Variants in ATP6V1B2 observed in about 807,000 individuals in gnomAD.
ATP6V1B2 encodes the protein ATPase H+ transporting V1 subunit B2.
In ATP6V1B2, 23 loss-of-function variants were observed where a neutral mutation model predicts 66.7. The ratio of observed to expected loss-of-function variants is 0.34; its 90% CI spans 0.25 to 0.49. The LOEUF is 0.49. Among genes scored for constraint, ATP6V1B2 ranks in the 20% least tolerant of loss-of-function variants. ATP6V1B2 has a pLI of 0.99. For missense variants in ATP6V1B2, 478 were observed against 650.8 expected (o/e 0.73, Z 2.89); for synonymous variants, 278 against 236.7 (o/e 1.17, Z -1.60).
At chr8:20,212,709 A>G in intron 8 of ATP6V1B2, 73 bp from the exon 9 acceptor site, 1 of 1,571,214 alleles carries the variant, frequency 6.4e-7, no homozygotes, top group Non-Finnish European at 8.6e-7. Flanking sequence ...TGTTATTTCC[A>G]GAATCATTTC....
At chr8:20,219,868 T>C (rs1327497294) in intron 13 of ATP6V1B2, among the ~76,000 whole-genome samples, 1 of 152,210 alleles carries the variant, frequency 6.6e-6, no homozygotes, top group African/African-American at 2.4e-5. Flanking sequence ...TCTGAGCATC[T>C]GTGTTAGTCG....
At chr8:20,212,383 G>A (rs960167071) in intron 8 of ATP6V1B2, among the ~76,000 whole-genome samples, 184 bp downstream of exon 8, 4 of 152,184 alleles carry the variant, frequency 2.6e-5, no homozygotes, top group African/African-American at 9.7e-5. Flanking sequence ...AGGTTCTGAA[G>A]CTCATAAGAT....
chr8:20,206,217 G>C (rs1282973295), intron 2 of ATP6V1B2, among the ~76,000 whole-genome samples: 2 of 152,178 alleles, frequency 1.3e-5, no homozygotes, highest in Admixed American at 1.3e-4. Flanking sequence ...CCAGATGTGT[G>C]TGTTTTTTCC....
In ATP6V1B2 at chr8:20,221,361, C is replaced by A. The variant is rs1025179358; in HGVS notation, c.*959C>A. The A allele has an allele frequency of 6.6e-6, 1 of 152,362 alleles. No homozygotes were observed. The highest frequency in any genetic ancestry group is 1.5e-5 in the Non-Finnish European group (1 of 68,028). The allele number at this position is 152,362 out of a possible 1,614,324, so 9.4% of individuals were successfully genotyped here. ...TCCCCAATTTGGTTCTGCTTTTTGA[C>A]CTCTCTCTACCTTTTCAGGGTAATC... is the stretch of plus-strand genomic sequence containing the variant. On this transcript the variant is annotated 3_prime_UTR_variant, in exon 14 of 14. Coordinates refer to ENST00000276390, the MANE Select transcript of ATP6V1B2 (RefSeq NM_001693.4).
rs2072715720 is a variant in ATP6V1B2, at chr8:20,204,211, T to C, written c.137-273T>C. 5 of 437,602 alleles carry C rather than the reference T, an allele frequency of 1.1e-5. No homozygotes were observed. In the East Asian group the frequency reaches 2.3e-4, roughly 20 times the overall value. 27.1% of individuals were successfully genotyped at this position (437,602 alleles called of 1,614,324 possible). Reference sequence around the variant, plus strand: ...GACTGAACTTTTGAGACAAGCAGAGTCTTTCCCTCTGTGTCTTGTTTTTGT... The same window carrying C: ...GACTGAACTTTTGAGACAAGCAGAGCCTTTCCCTCTGTGTCTTGTTTTTGT... On this transcript the variant is annotated intron_variant, in intron 1 of 13. Transcript: ENST00000276390.
intron 13 of ATP6V1B2, among the ~76,000 whole-genome samples, chr8:20,218,863 C>T (rs962012605): frequency 6.6e-6 from 1 of 152,118 alleles, no homozygotes; most frequent in East Asian, 1.9e-4. Flanking sequence ...GCCACCATCC[C>T]CTCAGGCTCA....
chr8:20,221,374 T>G lies in ATP6V1B2; in HGVS notation c.*972T>G, dbSNP rs2072905124. The G allele has an allele frequency of 6.6e-6, 1 of 152,488 alleles. No homozygotes were observed. Among genetic ancestry groups the G allele is most frequent in the African/African-American group, 2.4e-5 (1 of 41,436 alleles). The allele number at this position is 152,488 out of a possible 1,614,324, so 9.4% of individuals were successfully genotyped here. ...TCTGCTTTTTGACCTCTCTCTACCTTTTCAGGGTAATCTTTGTGGCACAAA... is the reference window on the plus strand; with the variant it reads ...TCTGCTTTTTGACCTCTCTCTACCTGTTCAGGGTAATCTTTGTGGCACAAA... On this transcript the variant is annotated 3_prime_UTR_variant, in exon 14 of 14. Transcript: ENST00000276390.
At chr8:20,212,707 C>G in intron 8 of ATP6V1B2, 75 bp from the exon 9 acceptor site, 2 of 1,568,696 alleles carry the variant, frequency 1.3e-6, no homozygotes, top group Non-Finnish European at 1.7e-6. Flanking sequence ...ACTGTTATTT[C>G]CAGAATCATT....
At chr8:20,204,565 A>G (rs2072719036) in intron 2 of ATP6V1B2, 26 bp downstream of exon 2, 5 of 1,582,174 alleles carry the variant, frequency 3.2e-6, no homozygotes, top group South Asian at 1.1e-5. Context: ...GTTTTGGTCT[A>G]TTTATGTAGT....
chr8:20,205,587 T>C (rs1318031823), intron 2 of ATP6V1B2, among the ~76,000 whole-genome samples: 1 of 152,240 alleles, frequency 6.6e-6, no homozygotes, highest in African/African-American at 2.4e-5. Flanking sequence ...TAAATCATTT[T>C]TATGTAGTTG....
intron 2 of ATP6V1B2, among the ~76,000 whole-genome samples, chr8:20,205,282 T>C (rs1185718302): frequency 6.6e-6 from 1 of 152,222 alleles, no homozygotes; most frequent in East Asian, 1.9e-4. Flanking sequence ...AAGTATATTA[T>C]TGAAACAGCT....
intron 1 of ATP6V1B2, among the ~76,000 whole-genome samples, chr8:20,202,998 C>T (rs1446687080): frequency 6.6e-6 from 1 of 152,030 alleles, no homozygotes; most frequent in South Asian, 2.1e-4. Flanking sequence ...AAAATGAGAA[C>T]AATGAAGAAA....
chr8:20,213,099 T>A, intron 9 of ATP6V1B2, 194 bp downstream of exon 9: 1 of 633,948 alleles, frequency 1.6e-6, no homozygotes, highest in Non-Finnish European at 2.6e-6. Flanking sequence ...GGTTAAGATT[T>A]AAATGGTTAG....
intron 2 of ATP6V1B2, among the ~76,000 whole-genome samples, chr8:20,208,549 G>A (rs2072760933): frequency 6.6e-6 from 1 of 152,080 alleles, no homozygotes; most frequent in Non-Finnish European, 1.5e-5. Flanking sequence ...TGATTAGTAC[G>A]TTGCCATTTA....
At chr8:20,205,702 G>A (rs917393867) in intron 2 of ATP6V1B2, among the ~76,000 whole-genome samples, 24 of 152,098 alleles carry the variant, frequency 1.6e-4, no homozygotes, top group African/African-American at 4.8e-4. Context: ...ATAATCTCAG[G>A]CAAATTATAT....
chr8:20,209,574 C>T (rs2072772761), intron 3 of ATP6V1B2, 43 bp downstream of exon 3: 2 of 1,526,546 alleles, frequency 1.3e-6, no homozygotes, highest in African/African-American at 2.7e-5. Flanking sequence ...TAGTTGCCTA[C>T]ACATAGGGAA....
intron 13 of ATP6V1B2, 90 bp from the exon 14 acceptor site, chr8:20,220,173 T>C: frequency 7.0e-7 from 1 of 1,422,504 alleles, no homozygotes; most frequent in Non-Finnish European, 9.5e-7. Flanking sequence ...ATCTATTTAA[T>C]ACACTGCTAG....
Position 20,197,429 on chromosome 8 carries a change from G to C in ATP6V1B2, c.23G>C (p.Gly8Ala), listed in dbSNP as rs779237988. The change falls in exon 1 of 14, where the codon GGG becomes GCG. Residue 8 changes from glycine to alanine, a missense_variant. Around this residue, in one of 2 missense-constraint regions of ATP6V1B2, gnomAD observed 152 missense variants for 105.2 expected, o/e 1.44. Coordinates refer to ENST00000276390, the MANE Select transcript of ATP6V1B2 (RefSeq NM_001693.4). ...AAGATGGCGCTGCGGGCGATGCGGGGGATTGTCAACGGGGCCGCACCCGAG... is the reference window on the plus strand; with the variant it reads ...AAGATGGCGCTGCGGGCGATGCGGGCGATTGTCAACGGGGCCGCACCCGAG... MALRAMR[G>A]IVNGAAPELP... 2 of 1,545,048 alleles carry C rather than the reference G, an allele frequency of 1.3e-6. No homozygotes were observed. Among genetic ancestry groups the C allele is most frequent in the Admixed American group, 1.9e-5 (1 of 51,712 alleles).
chr8:20,197,430 G>T lies in ATP6V1B2; in HGVS notation c.24G>T (p.Gly8=), dbSNP rs746431723. MALRAMR[G]IVNGAAPELP... ...AGATGGCGCTGCGGGCGATGCGGGG[G>T]ATTGTCAACGGGGCCGCACCCGAGC... The change falls in exon 1 of 14, where the codon GGG becomes GGT. Residue 8 remains glycine, a synonymous_variant. Transcript: ENST00000276390. 8.4e-6 allele frequency: 13 copies of T among 1,546,758 alleles called. No homozygotes were observed. Among genetic ancestry groups the T allele is most frequent in the Admixed American group, 1.9e-5 (1 of 51,730 alleles).
Sources: gnomAD v4.1 joint callset for allele counts (sites outside exome capture counted in the v4.1 genomes callset) on GRCh38, gnomAD v4.1.1 for gene constraint, gnomAD v4.1.1 regional missense constraint, MANE v1.5 for transcripts, NCBI Gene and HGNC (gene_info 2026-07-23, HGNC 2026-07-21) for gene names.